Variants in ACMSD observed in about 807,000 individuals in gnomAD.
The protein encoded by ACMSD is aminocarboxymuconate semialdehyde decarboxylase.
ACMSD carries 37 observed loss-of-function variants against 45.9 expected under a neutral mutation model. That is an observed-to-expected ratio of 0.81 (90% CI 0.62 to 1.06). The LOEUF (loss-of-function observed/expected upper bound fraction) is 1.06. ACMSD is among the 50% of genes least tolerant of loss of function. The pLI is 0.00. For missense variants in ACMSD, 434 were observed against 420.9 expected, an observed-to-expected ratio of 1.03 and a Z score of -0.27; for synonymous variants, 138 against 148.8, an observed-to-expected ratio of 0.93 and a Z score of 0.53.
intron 1 of ACMSD, among the ~76,000 whole-genome samples, chr2:134,841,722 C>T (rs1686815653): frequency 2.0e-5 from 3 of 152,170 alleles, no homozygotes; most frequent in African/African-American, 7.2e-5. Flanking sequence ...CCAGCAAGGC[C>T]TTACTGACAA....
At chr2:134,868,134 G>C (rs1343669517) in intron 6 of ACMSD, among the ~76,000 whole-genome samples, 2 of 152,118 alleles carry the variant, frequency 1.3e-5, no homozygotes, top group African/African-American at 4.8e-5. Flanking sequence ...TCATACAAAT[G>C]AGAACCCTAG....
intron 1 of ACMSD, among the ~76,000 whole-genome samples, chr2:134,843,033 T>G (rs2104808533): frequency 6.6e-6 from 1 of 152,294 alleles, no homozygotes; most frequent in Middle Eastern, 3.4e-3. Flanking sequence ...ATAAAACCTT[T>G]TCTTCTACAT....
intron 1 of ACMSD, among the ~76,000 whole-genome samples, chr2:134,840,180 A>ACAAAAAAAAAAAAC (rs1686724874): frequency 1.4e-5 from 2 of 140,146 alleles, no homozygotes; most frequent in East Asian, 5.1e-4. Context: ...AAAAAAAAAA[A>ACAAAAAAAAAAAAC]AAAAAAAAAA....
intron 4 of ACMSD, chr2:134,862,963 AGTGAGCCAGCCT>A (rs1222634759): frequency 3.0e-6 from 3 of 985,362 alleles, no homozygotes; most frequent in Non-Finnish European, 3.6e-6. Context: ...AGGACAAGTC[AGTGAGCCAGCCT>A]GGCGGCCCTC....
intron 5 of ACMSD, among the ~76,000 whole-genome samples, chr2:134,867,094 A>G (rs2104868456): frequency 6.6e-6 from 1 of 152,244 alleles, no homozygotes; most frequent in East Asian, 1.9e-4. Context: ...TTCACTTTCC[A>G]CAAACTCTGG....
At chr2:134,868,169 C>T (rs1688209735) in intron 6 of ACMSD, among the ~76,000 whole-genome samples, 1 of 152,134 alleles carries the variant, frequency 6.6e-6, no homozygotes, top group African/African-American at 2.4e-5. Flanking sequence ...GGTCAACTTC[C>T]ACCACCCAAA....
intron 2 of ACMSD, among the ~76,000 whole-genome samples, chr2:134,858,672 G>C (rs141123224): frequency 3.3e-3 from 497 of 152,014 alleles, no homozygotes; most frequent in South Asian, 9.4e-3. Context: ...AAAAATTATT[G>C]CTGTGTACCC....
chr2:134,857,272 T>C (rs1044066179), intron 2 of ACMSD, among the ~76,000 whole-genome samples: 7 of 152,070 alleles, frequency 4.6e-5, no homozygotes, highest in Admixed American at 1.3e-4. Context: ...ACCCCGTCTC[T>C]ACTAAAAACA....
At chr2:134,869,244 A>T (rs1318489450) in intron 6 of ACMSD, among the ~76,000 whole-genome samples, 1 of 151,790 alleles carries the variant, frequency 6.6e-6, no homozygotes. Context: ...ACCGAGTCTC[A>T]CTCTGTTGCC....
chr2:134,847,899 T>C (rs1344186482), intron 2 of ACMSD, among the ~76,000 whole-genome samples: 5 of 151,778 alleles, frequency 3.3e-5, no homozygotes, highest in Non-Finnish European at 7.4e-5. Flanking sequence ...TCACACAGGC[T>C]GGAGTGCAAT....
chr2:134,877,233 A>G (rs1361362357), intron 8 of ACMSD, among the ~76,000 whole-genome samples: 1 of 152,234 alleles, frequency 6.6e-6, no homozygotes, highest in Non-Finnish European at 1.5e-5. Flanking sequence ...TTTCAGCTCC[A>G]TTATAATTTT....
chr2:134,840,948 G>A (rs1201000254), intron 1 of ACMSD, among the ~76,000 whole-genome samples: 2 of 151,948 alleles, frequency 1.3e-5, no homozygotes, highest in Admixed American at 6.6e-5. Context: ...AAAGTCCATC[G>A]TGTCATTCTT....
intron 2 of ACMSD, among the ~76,000 whole-genome samples, chr2:134,846,613 T>C (rs10928520): frequency 0.51 from 77,350 of 151,872 alleles, 20,618 homozygotes; most frequent in Middle Eastern, 0.82. Flanking sequence ...CACTATGTTG[T>C]CCAGGCTGAC....
chr2:134,895,563 T>C (rs1573729495), intron 8 of ACMSD, among the ~76,000 whole-genome samples: 1 of 151,356 alleles, frequency 6.6e-6, no homozygotes, highest in African/African-American at 2.4e-5. Context: ...CAAAAATTCA[T>C]ATGAAAACGC....
At position 134,856,420 on chromosome 2, in the gene ACMSD, TA is replaced by T. The variant is rs575938288; in HGVS notation, c.103-2840del. 3.0e-3 allele frequency among the ~76,000 whole-genome samples: 460 copies of T among 152,340 alleles called. 1 individual carries two copies. The highest frequency in any genetic ancestry group is 9.8e-3 in the African/African-American group (406 of 41,594). On this transcript the variant is annotated intron_variant, in intron 2 of 9. Transcript: ENST00000356140. ...ATTTAGTTTGGTCCCCTGCTCTGAG[TA>T]TTAAAAAGTTGTGTATTCCATAATG...
intron 1 of ACMSD, among the ~76,000 whole-genome samples, chr2:134,839,299 T>C (rs1686674015): frequency 6.6e-6 from 1 of 152,182 alleles, no homozygotes; most frequent in Non-Finnish European, 1.5e-5. Context: ...AGGAAGTAGG[T>C]ACATCAAAAA....
intron 8 of ACMSD, among the ~76,000 whole-genome samples, chr2:134,898,061 A>G (rs1464930971): frequency 6.6e-6 from 1 of 151,522 alleles, no homozygotes; most frequent in Non-Finnish European, 1.5e-5. Flanking sequence ...TCAATTTCTT[A>G]TATTTCAGTA....
At chr2:134,845,195 T>C (rs1686992380) in intron 1 of ACMSD, 38 bp from the exon 2 acceptor site, 1 of 1,613,666 alleles carries the variant, frequency 6.2e-7, no homozygotes. Flanking sequence ...AGCCTGGTCT[T>C]TGCTCTTTGA....
rs149347884 is a variant in ACMSD at position 134,872,503 on chromosome 2, C to A, written c.711C>A (p.Ser237=). Residue 237 remains serine (S), a synonymous_variant, in exon 8 of 10, where the codon TCC becomes TCA. Coordinates refer to ENST00000356140, the MANE Select transcript of ACMSD (RefSeq NM_138326.3). ...TCCCCTTCACAGTGGGAAGAATCTC[C>A]CATGGATTCAGCATGCGCCCAGATC... ...GAFPFTVGRI[S]HGFSMRPDLC... 83 of 1,614,142 alleles carry A rather than the reference C, an allele frequency of 5.1e-5. 1 individual carries two copies. The African/African-American group carries it at 8.7e-4, about 17-fold the overall frequency.
Sources: allele counts gnomAD v4.1 joint callset (sites outside exome capture counted in the v4.1 genomes callset), GRCh38; gene constraint gnomAD v4.1.1; transcripts MANE v1.5; gene names NCBI Gene and HGNC (gene_info 2026-07-23, HGNC 2026-07-21).